Variants in PDLIM5 observed in about 807,000 individuals in gnomAD.
The protein encoded by PDLIM5 is PDZ and LIM domain 5.
A neutral mutation model predicts 64.2 loss-of-function variants in PDLIM5; 34 were observed. The ratio of observed to expected loss-of-function variants is 0.53; its 90% CI spans 0.40 to 0.71. The LOEUF (loss-of-function observed/expected upper bound fraction) is 0.71, where lower values mean the gene tolerates loss of function less well. Among genes scored for constraint, PDLIM5 ranks in the 30% least tolerant of loss-of-function variants. The pLI, the probability that PDLIM5 is intolerant of heterozygous loss-of-function variation, is 0.00. For synonymous variants in PDLIM5, 253 were observed against 269.1 expected (o/e 0.94, Z 0.59); for missense variants, 683 against 733.6 (o/e 0.93, Z 0.80).
chr4:94,484,139 G>A (rs1447349898), intron 2 of PDLIM5, among the ~76,000 whole-genome samples: 2 of 152,106 alleles, frequency 1.3e-5, no homozygotes, highest in African/African-American at 4.8e-5. Flanking sequence ...AGCCAACTCA[G>A]CATTTTTATC....
At chr4:94,495,065 G>A (rs1270008298) in intron 2 of PDLIM5, among the ~76,000 whole-genome samples, 3 of 151,990 alleles carry the variant, frequency 2.0e-5, no homozygotes, top group Non-Finnish European at 4.4e-5. Flanking sequence ...TTATATATTC[G>A]TCACTGAATT....
In PDLIM5 at chr4:94,666,058, A is replaced by C. The variant is rs1295277707; in HGVS notation, c.*1991A>C. Reference sequence around the variant, plus strand: ...AAAGTCCATGAACCTCCTAAGTTATAATTTAAATTTGTTTGGGGCAAGGTG... The same window carrying C: ...AAAGTCCATGAACCTCCTAAGTTATCATTTAAATTTGTTTGGGGCAAGGTG... On this transcript the variant is annotated 3_prime_UTR_variant, in exon 13 of 13. Transcript: ENST00000317968. 1.3e-6 allele frequency: 2 copies of C among 1,527,260 alleles called. No individual in the cohort carries two copies. Among genetic ancestry groups the C allele is most frequent in the African/African-American group, 2.7e-5 (2 of 72,770 alleles). The allele number at this position is 1,527,260 out of a possible 1,614,324, so 94.6% of individuals were successfully genotyped here.
At chr4:94,582,851 G>T in intron 5 of PDLIM5, 2 of 691,588 alleles carry the variant, frequency 2.9e-6, no homozygotes, top group Non-Finnish European at 5.0e-6. Flanking sequence ...TTTCAAAAAT[G>T]TTAAGGAGCA....
At chr4:94,478,222 C>G (rs187391071) in intron 2 of PDLIM5, among the ~76,000 whole-genome samples, 12 of 147,888 alleles carry the variant, frequency 8.1e-5, no homozygotes, top group Admixed American at 2.7e-4. Context: ...CGGTATTGCA[C>G]TCCAGCCTGG....
At chr4:94,469,073 C>A (rs1451439050) in intron 2 of PDLIM5, among the ~76,000 whole-genome samples, 5 of 152,114 alleles carry the variant, frequency 3.3e-5, no homozygotes, top group African/African-American at 4.8e-5. Flanking sequence ...TTATAGAACC[C>A]ATGGGGCAGA....
rs1259132548 is a variant in PDLIM5, at chr4:94,585,759, C to G, written c.883+22C>G. The G allele has an allele frequency of 8.2e-6, 13 of 1,590,934 alleles. No individual in the cohort carries two copies. The East Asian group carries it at 2.7e-4, about 33-fold the overall frequency. On this transcript the variant is annotated intron_variant, in intron 6 of 12. Transcript: ENST00000317968. ...CATTGTAAGTGAACTTCTAGGTATC[C>G]TAATGGATGAATGTTTTTTTGCCCC...
intron 2 of PDLIM5, among the ~76,000 whole-genome samples, chr4:94,520,064 T>A (rs567859567): frequency 6.6e-6 from 1 of 152,270 alleles, no homozygotes; most frequent in African/African-American, 2.4e-5. Context: ...TTCAGGAGCA[T>A]ACAGTTTTCT....
At chr4:94,573,583 A>G in intron 4 of PDLIM5, 190 bp downstream of exon 4, 2 of 628,824 alleles carry the variant, frequency 3.2e-6, no homozygotes, top group Middle Eastern at 2.9e-4. Context: ...GTAATTATAC[A>G]TGTTATAAAA....
At chr4:94,644,520 T>G (rs1741249039) in intron 9 of PDLIM5, among the ~76,000 whole-genome samples, 2 of 151,772 alleles carry the variant, frequency 1.3e-5, no homozygotes, top group Admixed American at 1.3e-4. Flanking sequence ...ATTGGTATCA[T>G]GCCAAGAACT....
At chr4:94,609,943 A>G (rs1228994184) in intron 7 of PDLIM5, among the ~76,000 whole-genome samples, 1 of 152,238 alleles carries the variant, frequency 6.6e-6, no homozygotes, top group South Asian at 2.1e-4. Context: ...CGTATGTCCA[A>G]ATCAGCTTTA....
At chr4:94,557,265 A>C (rs1184070250) in intron 3 of PDLIM5, among the ~76,000 whole-genome samples, 1 of 152,054 alleles carries the variant, frequency 6.6e-6, no homozygotes, top group Non-Finnish European at 1.5e-5. Flanking sequence ...ATTGGTCTAT[A>C]TCTCTGTTTT....
intron 8 of PDLIM5, among the ~76,000 whole-genome samples, chr4:94,639,739 A>G (rs886146755): frequency 6.6e-6 from 1 of 152,202 alleles, no homozygotes; most frequent in Non-Finnish European, 1.5e-5. Context: ...AGATGTCTAG[A>G]GAATTAGAAA....
chr4:94,562,005 A>G (rs753885649), intron 3 of PDLIM5, among the ~76,000 whole-genome samples: 4 of 152,298 alleles, frequency 2.6e-5, no homozygotes, highest in Admixed American at 2.6e-4. Flanking sequence ...CTCTGTGTTA[A>G]TTGTGTTGTT....
chr4:94,555,739 C>T (rs1461330769), intron 3 of PDLIM5, among the ~76,000 whole-genome samples: 1 of 151,836 alleles, frequency 6.6e-6, no homozygotes. Context: ...ATTTTACTAA[C>T]TACAAGGTAT....
chr4:94,520,294 C>T (rs1729719273), intron 2 of PDLIM5, among the ~76,000 whole-genome samples: 1 of 152,188 alleles, frequency 6.6e-6, no homozygotes, highest in African/African-American at 2.4e-5. Context: ...TTGATTTATG[C>T]TGAGCTCGAC....
chr4:94,564,505 CCTT>C (rs1734121497), intron 3 of PDLIM5, among the ~76,000 whole-genome samples: 1 of 152,068 alleles, frequency 6.6e-6, no homozygotes, highest in Non-Finnish European at 1.5e-5. Flanking sequence ...ATTAGAGAGG[CCTT>C]CTCTGACCCT....
chr4:94,611,101 T>A, intron 7 of PDLIM5: 1 of 1,534,106 alleles, frequency 6.5e-7, no homozygotes, highest in Non-Finnish European at 8.7e-7. Flanking sequence ...CACTCACTCC[T>A]GGATGCACTT....
Position 94,575,901 on chromosome 4 carries a change from G to T in PDLIM5, c.577G>T (p.Ala193Ser). ...TCTTAGTGCTGACCAGTCTCCATCT[G>T]CACTGAGCGCTGGTAAAACTGCAGT... ...ANLSADQSPS[A>S]LSAGKTAVNV... Residue 193 changes from alanine to serine, a missense_variant, in exon 5 of 13, where the codon GCA (alanine) becomes TCA (serine). By Grantham distance (99) the Ala-to-Ser change is moderately conservative (BLOSUM62 1). Coordinates refer to ENST00000317968, the MANE Select transcript of PDLIM5 (RefSeq NM_006457.5). 7 of 1,614,128 alleles carry T rather than the reference G, an allele frequency of 4.3e-6. No homozygotes were observed. Among genetic ancestry groups the T allele is most frequent in the East Asian group, 4.5e-5 (2 of 44,856 alleles).
chr4:94,612,566 A>G (rs1347676853), intron 7 of PDLIM5, among the ~76,000 whole-genome samples: 1 of 152,230 alleles, frequency 6.6e-6, no homozygotes, highest in Non-Finnish European at 1.5e-5. Context: ...GTGTGCAAGC[A>G]TTTATGGACT....
Sources: allele counts gnomAD v4.1 joint callset (sites outside exome capture counted in the v4.1 genomes callset), GRCh38; gene constraint gnomAD v4.1.1; transcripts MANE v1.5; gene names NCBI Gene and HGNC (gene_info 2026-07-23, HGNC 2026-07-21).